The following ALMS1 variants were observed in gnomAD, a reference collection of about 807,000 sequenced individuals.
ALMS1 encodes the protein centrosome-associated protein ALMS1.
ALMS1 carries 271 observed loss-of-function variants against 352.2 expected under a neutral mutation model. The ratio of observed to expected loss-of-function variants is 0.77; its 90% CI spans 0.70 to 0.85. The LOEUF (loss-of-function observed/expected upper bound fraction) is 0.85, where lower values mean the gene tolerates loss of function less well. ALMS1 is among the 40% of genes least tolerant of loss of function. The probability of loss-of-function intolerance (pLI) is 0.00; values close to 1 mark genes in which losing one functional copy is unlikely to be tolerated. For synonymous variants in ALMS1, 1,865 were observed against 1,761.2 expected (o/e 1.06, Z -1.48); for missense variants, 5,445 against 4,870.7 (o/e 1.12, Z -3.51).
intron 16 of ALMS1, 123 bp downstream of exon 16, chr2:73,573,547 C>A: frequency 4.0e-6 from 4 of 992,026 alleles, no homozygotes; most frequent in Non-Finnish European, 6.3e-6. Context: ...CATTTCTTAC[C>A]AACTGGAAAA....
intron 9 of ALMS1, among the ~76,000 whole-genome samples, chr2:73,468,063 C>T (rs1230296389): frequency 3.3e-5 from 5 of 151,946 alleles, no homozygotes; most frequent in African/African-American, 1.2e-4. Context: ...CAGATTTGTA[C>T]ACCTTATTAA....
Position 73,572,966 on chromosome 2 carries a change from G to C in ALMS1, c.11089G>C (p.Val3697Leu), listed in dbSNP as rs551669756. Reference sequence around the variant, plus strand: ...TACAGGCGAGCTTAAAAAAAGCAAGGTGCTTTCTCATCATCGAGCTGGGAG... The same window carrying C: ...TACAGGCGAGCTTAAAAAAAGCAAGCTGCTTTCTCATCATCGAGCTGGGAG... ...KNTGELKKSK[V>L]LSHHRAGRSN... Residue 3697 changes from valine (V) to leucine (L), a missense_variant, in exon 16 of 23, where the codon GTG (valine) becomes CTG (leucine). By Grantham distance (32) the Val-to-Leu change is conservative. Coordinates refer to ENST00000613296, the MANE Select transcript of ALMS1 (RefSeq NM_001378454.1). 2 of 1,614,062 alleles carry C rather than the reference G, an allele frequency of 1.2e-6. No individual in the cohort carries two copies. Among genetic ancestry groups the C allele is most frequent in the Admixed American group, 3.3e-5 (2 of 59,988 alleles).
intron 12 of ALMS1, 34 bp downstream of exon 12, chr2:73,534,983 T>C: frequency 6.2e-7 from 1 of 1,612,566 alleles, no homozygotes; most frequent in South Asian, 1.1e-5. Context: ...GTTTTATTGT[T>C]TGATATTTTA....
At chr2:73,545,346 A>C (rs1394347452) in intron 12 of ALMS1, among the ~76,000 whole-genome samples, 4 of 151,894 alleles carry the variant, frequency 2.6e-5, no homozygotes, top group African/African-American at 9.7e-5. Flanking sequence ...ACGCCCAGCT[A>C]ATTTTTGTAT....
At chr2:73,463,682 C>A (rs1672259304) in intron 9 of ALMS1, among the ~76,000 whole-genome samples, 1 of 123,606 alleles carries the variant, frequency 8.1e-6, no homozygotes, top group Non-Finnish European at 1.7e-5. Context: ...TTGAAAGGAT[C>A]AACAAAAGAC....
In ALMS1 at chr2:73,448,303, T is replaced by C. The variant is rs746995241; in HGVS notation, c.1776T>C (p.Ser592=). 10 of 1,613,932 alleles carry C rather than the reference T, an allele frequency of 6.2e-6. No individual in the cohort carries two copies. In the South Asian group the frequency reaches 8.8e-5, roughly 14 times the overall value. The change falls in exon 8 of 23, where the codon AGT becomes AGC. Residue 592 remains serine (S), a synonymous_variant. Transcript: ENST00000613296. ...SIFYQQGLPD[S]HLTEEALKVS... ...TCTACCAGCAGGGCTTGCCAGACAGTCATCTAACTGAAGAGGCTTTGAAAG... is the reference window on the plus strand; with the variant it reads ...TCTACCAGCAGGGCTTGCCAGACAGCCATCTAACTGAAGAGGCTTTGAAAG...
chr2:73,567,828 G>A (rs1158458539), intron 15 of ALMS1, among the ~76,000 whole-genome samples: 1 of 152,078 alleles, frequency 6.6e-6, no homozygotes, highest in Non-Finnish European at 1.5e-5. Context: ...GCAGAAGAAG[G>A]CTTTCAAGGT....
At position 73,467,922 on chromosome 2, in the gene ALMS1, G is replaced by C. The variant is rs544736038; in HGVS notation, c.7674+12627G>C. On this transcript the variant is annotated intron_variant, in intron 9 of 22. Transcript: ENST00000613296. ...GTGATAAGAATGGTTACCTCTGGTG[G>C]AGTCAGGTGTGTGGTATTGACTGGG... Among the ~76,000 whole-genome samples the C allele has an allele frequency of 1.9e-4, 29 of 152,124 alleles. No individual in the cohort carries two copies. The South Asian group carries it at 5.8e-3, about 30-fold the overall frequency.
At chr2:73,589,166 A>G (rs950880305) in intron 16 of ALMS1, among the ~76,000 whole-genome samples, 2 of 152,124 alleles carry the variant, frequency 1.3e-5, no homozygotes, top group South Asian at 4.1e-4. Flanking sequence ...ATAAGAAACC[A>G]TAAAAGTTGT....
At chr2:73,590,131 A>G (rs1263940835) in intron 16 of ALMS1, among the ~76,000 whole-genome samples, 1 of 151,706 alleles carries the variant, frequency 6.6e-6, no homozygotes, top group Non-Finnish European at 1.5e-5. Context: ...AGTTTTTCAT[A>G]TAATTTACAG....
chr2:73,449,356 G>C lies in ALMS1; in HGVS notation c.2829G>C (p.Gln943His), dbSNP rs777580930. 6.2e-7 allele frequency: 1 copy of C among 1,613,980 alleles called. No individual in the cohort carries two copies. The highest frequency in any genetic ancestry group is 8.5e-7 in the Non-Finnish European group (1 of 1,179,978). The change falls in exon 8 of 23, where the codon CAG (glutamine) becomes CAC (histidine). Residue 943 changes from glutamine to histidine, a missense_variant. By Grantham distance (24) the Gln-to-His change is conservative. Transcript: ENST00000613296. ...KVSAVSVLAA[Q>H]KTGTPTVSSN... Reference sequence around the variant, plus strand: ...CAGCTGTTTCTGTATTGGCTGCCCAGAAGACTGGGACACCAACAGTGTCCT... The same window carrying C: ...CAGCTGTTTCTGTATTGGCTGCCCACAAGACTGGGACACCAACAGTGTCCT...
chr2:73,591,765 A>G (rs1362481676), intron 16 of ALMS1, among the ~76,000 whole-genome samples: 1 of 152,190 alleles, frequency 6.6e-6, no homozygotes, highest in African/African-American at 2.4e-5. Context: ...TATTTGGGAG[A>G]ATGCAAAGAA....
In ALMS1 at chr2:73,491,382, C is replaced by T. The variant is rs1486652095; in HGVS notation, c.9423C>T (p.Asp3141=). The T allele has an allele frequency of 2.5e-6, 4 of 1,614,058 alleles. No homozygotes were observed. In the African/African-American group the frequency reaches 5.3e-5, roughly 22 times the overall value. The change falls in exon 10 of 23, where the codon GAC becomes GAT. Residue 3141 remains aspartate (D), a synonymous_variant. Coordinates refer to ENST00000613296, the MANE Select transcript of ALMS1 (RefSeq NM_001378454.1). Reference sequence around the variant, plus strand: ...CAGACAGTAACACTATTACTCAGGACTTGAAAACCATACCTTCTCAGAATA... The same window carrying T: ...CAGACAGTAACACTATTACTCAGGATTTGAAAACCATACCTTCTCAGAATA... The part of the protein sequence containing the change: ...SLPDSNTITQ[D]LKTIPSQNSQ...
intron 10 of ALMS1, among the ~76,000 whole-genome samples, chr2:73,510,577 A>G (rs957772488): frequency 4.6e-5 from 7 of 151,920 alleles, no homozygotes; most frequent in Non-Finnish European, 8.8e-5. Flanking sequence ...GCCTTCTCCT[A>G]CCTCTGAAGT....
chr2:73,399,681 C>T (rs1572899726), intron 1 of ALMS1, among the ~76,000 whole-genome samples: 1 of 152,006 alleles, frequency 6.6e-6, no homozygotes, highest in African/African-American at 2.4e-5. Context: ...TTGAAAGGGA[C>T]AGATATCCAA....
At chr2:73,406,969 G>A (rs1157743684) in intron 1 of ALMS1, among the ~76,000 whole-genome samples, 1 of 152,228 alleles carries the variant, frequency 6.6e-6, no homozygotes, top group Non-Finnish European at 1.5e-5. Context: ...GGTGTCACAA[G>A]TAACATGTTT....
At chr2:73,607,837 T>C (rs955044645) in intron 21 of ALMS1, among the ~76,000 whole-genome samples, 56 of 148,330 alleles carry the variant, frequency 3.8e-4, no homozygotes, top group Non-Finnish European at 7.3e-4. Flanking sequence ...TTGGTGTGTG[T>C]GGTTTTAGTA....
In ALMS1 at chr2:73,450,962, G is replaced by A. The variant is rs750765175; in HGVS notation, c.4435G>A (p.Gly1479Arg). The A allele has an allele frequency of 2.5e-6, 4 of 1,613,660 alleles. No individual in the cohort carries two copies. The African/African-American group carries it at 5.3e-5, about 22-fold the overall frequency. Reference sequence around the variant, plus strand: ...TGTAACCTCCCCTTCCAGCTCATTTGGAGAGAAGCCCATTGTTATCTACAA... The same window carrying A: ...TGTAACCTCCCCTTCCAGCTCATTTAGAGAGAAGCCCATTGTTATCTACAA... ...PTVTSPSSSF[G>R]EKPIVIYKQA... is the part of the protein sequence containing the mutation. The change falls in exon 8 of 23, where the codon GGA (glycine) becomes AGA (arginine). Residue 1479 changes from glycine (G) to arginine (R), a missense_variant. Gly to Arg is a moderately radical substitution (Grantham distance 125). Coordinates refer to ENST00000613296, the MANE Select transcript of ALMS1 (RefSeq NM_001378454.1).
At chr2:73,403,253 A>G (rs1670906203) in intron 1 of ALMS1, among the ~76,000 whole-genome samples, 1 of 152,166 alleles carries the variant, frequency 6.6e-6, no homozygotes, top group Middle Eastern at 3.2e-3. Context: ...GCATGAGGAA[A>G]TTTAATTTTC....
Sources: gnomAD v4.1 joint callset for allele counts (sites outside exome capture counted in the v4.1 genomes callset) on GRCh38, gnomAD v4.1.1 for gene constraint, MANE v1.5 for transcripts, NCBI Gene and HGNC (gene_info 2026-07-23, HGNC 2026-07-21) for gene names.